NDFIP2: variants seen among roughly 807,000 people sequenced by gnomAD.
NDFIP2 encodes Nedd4 family interacting protein 2.
Under a neutral mutation model 36.0 loss-of-function variants are expected in NDFIP2, and 19 were observed. The ratio of observed to expected loss-of-function variants is 0.53; its 90% confidence interval spans 0.37 to 0.77. The LOEUF (loss-of-function observed/expected upper bound fraction) is 0.77, where lower values mean the gene tolerates loss of function less well. NDFIP2 is among the 30% of genes least tolerant of loss of function. The probability of loss-of-function intolerance (pLI) is 0.00; values close to 1 mark genes in which losing one functional copy is unlikely to be tolerated. For missense variants in NDFIP2, 446 were observed against 435.8 expected, an observed-to-expected ratio of 1.02 and a Z score of -0.21; for synonymous variants, 181 against 167.7, an observed-to-expected ratio of 1.08 and a Z score of -0.61.
intron 1 of NDFIP2, among the ~76,000 whole-genome samples, chr13:79,517,018 C>T (rs1475660534): frequency 6.6e-6 from 1 of 152,154 alleles, no homozygotes; most frequent in East Asian, 1.9e-4. Context: ...ATAATGCTTA[C>T]AGTTTTCTTG....
At chr13:79,534,364 T>TC (rs1875144907) in intron 3 of NDFIP2, among the ~76,000 whole-genome samples, 1 of 149,318 alleles carries the variant, frequency 6.7e-6, no homozygotes, top group African/African-American at 2.5e-5. Flanking sequence ...TTTTTTTTTT[T>TC]TTTTTTTTTG....
At chr13:79,543,756 A>G (rs757017558) in intron 5 of NDFIP2, 74 bp downstream of exon 5, 22 of 1,549,390 alleles carry the variant, frequency 1.4e-5, no homozygotes, top group Non-Finnish European at 1.8e-5. Flanking sequence ...TGGTTCATAA[A>G]TGGTCACTTT....
intron 4 of NDFIP2, among the ~76,000 whole-genome samples, chr13:79,542,267 A>C (rs1211599678): frequency 6.6e-6 from 1 of 152,222 alleles, no homozygotes; most frequent in Non-Finnish European, 1.5e-5. Flanking sequence ...CCATGATAAT[A>C]AGTAATCACC....
intron 1 of NDFIP2, among the ~76,000 whole-genome samples, chr13:79,500,633 C>T (rs894631739): frequency 1.1e-4 from 16 of 152,034 alleles, no homozygotes; most frequent in African/African-American, 3.9e-4. Context: ...ATACCTGTTA[C>T]GATGGCCCAA....
intron 1 of NDFIP2, among the ~76,000 whole-genome samples, chr13:79,512,676 G>A (rs1485136611): frequency 1.3e-5 from 2 of 152,160 alleles, no homozygotes; most frequent in Non-Finnish European, 2.9e-5. Flanking sequence ...CTGGGCCAAT[G>A]AACCCTTTTT....
At chr13:79,545,763 G>T (rs537376101) in intron 5 of NDFIP2, among the ~76,000 whole-genome samples, 1 of 152,220 alleles carries the variant, frequency 6.6e-6, no homozygotes, top group Non-Finnish European at 1.5e-5. Context: ...TGGAGACGGG[G>T]TCTCACTCTG....
intron 4 of NDFIP2, 147 bp from the exon 5 acceptor site, chr13:79,543,411 G>T: frequency 1.0e-6 from 1 of 982,976 alleles, no homozygotes; most frequent in Admixed American, 2.5e-5. Flanking sequence ...GCAAAAAGTA[G>T]GCTATAGTCT....
In NDFIP2 at chr13:79,544,691, A is replaced by G. The variant is rs575494810; in HGVS notation, c.840+1009A>G. Among the ~76,000 whole-genome samples, 33 of 152,240 alleles carry G rather than the reference A, an allele frequency of 2.2e-4. 1 individual carries two copies. The South Asian group carries it at 6.4e-3, about 30-fold the overall frequency. On this transcript the variant is annotated intron_variant, in intron 5 of 7. Coordinates refer to ENST00000218652, the MANE Select transcript of NDFIP2 (RefSeq NM_019080.3). ...TCCTCCTAAAATTTTTAGTAGAATC[A>G]TAGATCAAATATATTAGCTTCTCTT...
intron 2 of NDFIP2, among the ~76,000 whole-genome samples, chr13:79,530,140 T>A (rs908443921): frequency 6.6e-6 from 1 of 152,204 alleles, no homozygotes; most frequent in Non-Finnish European, 1.5e-5. Context: ...TTGGGGTGGC[T>A]ATGGCAATTT....
chr13:79,526,863 C>CG (rs1874816507), intron 2 of NDFIP2, among the ~76,000 whole-genome samples: 1 of 152,132 alleles, frequency 6.6e-6, no homozygotes, highest in Non-Finnish European at 1.5e-5. Flanking sequence ...CTGAGTAAAT[C>CG]ACATCTGTAA....
rs1875054947 is a variant in NDFIP2 at position 79,532,489 on chromosome 13, C to T, written c.488-834C>T. Among the ~76,000 whole-genome samples, 3 of 152,028 alleles carry T rather than the reference C, an allele frequency of 2.0e-5. No individual in the cohort carries two copies. In the South Asian group the frequency reaches 6.2e-4, roughly 32 times the overall value. The stretch of plus-strand genomic sequence containing the variant: ...ACCTGTATAGCACTTTACTTTATTA[C>T]TTATGTTGTAATAAGTGATGGGTTT... On this transcript the variant is annotated intron_variant, in intron 2 of 7. Transcript: ENST00000218652.
intron 2 of NDFIP2, 76 bp from the exon 3 acceptor site, chr13:79,533,247 T>A (rs1040005221): frequency 1.7e-5 from 24 of 1,429,352 alleles, no homozygotes; most frequent in Non-Finnish European, 2.3e-5. Context: ...TGGCCAGTTG[T>A]AAATTATTAA....
At chr13:79,528,718 G>C (rs1013869815) in intron 2 of NDFIP2, among the ~76,000 whole-genome samples, 4 of 152,132 alleles carry the variant, frequency 2.6e-5, no homozygotes, top group Non-Finnish European at 5.9e-5. Context: ...TGTTGCAGTT[G>C]CCTAGAGTAT....
intron 7 of NDFIP2, among the ~76,000 whole-genome samples, 184 bp downstream of exon 7, chr13:79,551,306 G>T (rs1594862372): frequency 6.6e-6 from 1 of 151,372 alleles, no homozygotes; most frequent in Middle Eastern, 3.4e-3. Flanking sequence ...ATAACTTTTA[G>T]ATTTTTAAAA....
At chr13:79,536,683 A>G (rs1875255441) in intron 3 of NDFIP2, among the ~76,000 whole-genome samples, 5 of 152,172 alleles carry the variant, frequency 3.3e-5, no homozygotes, top group Admixed American at 3.3e-4. Context: ...AGAGTGAACA[A>G]TTATTTTCAA....
intron 1 of NDFIP2, among the ~76,000 whole-genome samples, chr13:79,507,630 A>T (rs1233333296): frequency 6.6e-6 from 1 of 151,246 alleles, no homozygotes; most frequent in Non-Finnish European, 1.5e-5. Context: ...TTTTTCAAGG[A>T]CACATGGGTG....
chr13:79,541,875 A>G (rs1331294363), intron 4 of NDFIP2, among the ~76,000 whole-genome samples: 1 of 152,184 alleles, frequency 6.6e-6, no homozygotes, highest in Non-Finnish European at 1.5e-5. Context: ...GTTTTACCTC[A>G]CATAACCTAA....
In NDFIP2 at chr13:79,533,317, C is replaced by A. The variant is rs1488634531; in HGVS notation, c.488-6C>A. ...ATTGGTTATTCTTTTTGAATTCTTTCTTCAGATACAGAAGTTTACGGTGAG... is the reference window on the plus strand; with the variant it reads ...ATTGGTTATTCTTTTTGAATTCTTTATTCAGATACAGAAGTTTACGGTGAG... On this transcript the variant is annotated splice_polypyrimidine_tract_variant and splice_region_variant and intron_variant, in intron 2 of 7. Transcript: ENST00000218652. 11 of 1,588,912 alleles carry A rather than the reference C, an allele frequency of 6.9e-6. No individual in the cohort carries two copies. The highest frequency in any genetic ancestry group is 9.4e-6 in the Non-Finnish European group (11 of 1,172,024).
rs920662114 is a variant in NDFIP2, at chr13:79,539,782, A to C, written c.715+7A>C. The C allele has an allele frequency of 6.2e-7, 1 of 1,611,538 alleles. No homozygotes were observed. Among genetic ancestry groups the C allele is most frequent in the African/African-American group, 1.3e-5 (1 of 74,892 alleles). Reference sequence around the variant, plus strand: ...TTCATGCTGGCATTTTTCAGTAAGTAATCTTCCTAAACTATTTTGGGTTGT... The same window carrying C: ...TTCATGCTGGCATTTTTCAGTAAGTCATCTTCCTAAACTATTTTGGGTTGT... On this transcript the variant is annotated splice_region_variant and intron_variant, in intron 4 of 7. Coordinates refer to ENST00000218652, the MANE Select transcript of NDFIP2 (RefSeq NM_019080.3).
Sources: allele counts gnomAD v4.1 joint callset (sites outside exome capture counted in the v4.1 genomes callset), GRCh38; gene constraint gnomAD v4.1.1; transcripts MANE v1.5; gene names NCBI Gene and HGNC (gene_info 2026-07-23, HGNC 2026-07-21).